The following KIAA0825 variants were observed in gnomAD, a reference collection of about 807,000 sequenced individuals.
KIAA0825 encodes the protein KIAA0825.
In KIAA0825, 119 loss-of-function variants were observed where a neutral mutation model predicts 147.6. The ratio of observed to expected loss-of-function variants is 0.81; its 90% confidence interval spans 0.69 to 0.94. KIAA0825 has a LOEUF of 0.94. Ranked by LOEUF, KIAA0825 falls within the 40% of genes least tolerant of loss-of-function variation. The pLI is 0.00. For synonymous variants in KIAA0825, 470 were observed against 518.1 expected (o/e 0.91, Z 1.26); for missense variants, 1,381 against 1,472.7 (o/e 0.94, Z 1.02).
intron 14 of KIAA0825, among the ~76,000 whole-genome samples, chr5:94,423,843 A>G (rs1171763802): frequency 6.6e-6 from 1 of 152,240 alleles, no homozygotes; most frequent in East Asian, 1.9e-4. Flanking sequence ...GACGTGAAGT[A>G]TCACAAGAAA....
At chr5:94,246,148 A>G (rs1319587688) in intron 20 of KIAA0825, among the ~76,000 whole-genome samples, 1 of 152,202 alleles carries the variant, frequency 6.6e-6, no homozygotes, top group Non-Finnish European at 1.5e-5. Flanking sequence ...TTTTGATGAG[A>G]CAATAAAATA....
chr5:94,475,610 C>T (rs1761789600), intron 7 of KIAA0825, among the ~76,000 whole-genome samples: 1 of 152,134 alleles, frequency 6.6e-6, no homozygotes, highest in South Asian at 2.1e-4. Flanking sequence ...GAGTTCGAGA[C>T]CAGCCTGGCC....
intron 20 of KIAA0825, among the ~76,000 whole-genome samples, chr5:94,338,361 C>G (rs192185376): frequency 6.6e-6 from 1 of 151,078 alleles, no homozygotes; most frequent in African/African-American, 2.4e-5. Context: ...AAAATGTAGT[C>G]GTTTTGACTC....
chr5:94,478,482 C>A (rs191769768), intron 6 of KIAA0825, among the ~76,000 whole-genome samples: 4 of 150,364 alleles, frequency 2.7e-5, no homozygotes, highest in African/African-American at 9.7e-5. Flanking sequence ...CACACACACA[C>A]AAATTGGGGA....
intron 5 of KIAA0825, among the ~76,000 whole-genome samples, chr5:94,506,464 T>C (rs919564356): frequency 6.6e-6 from 1 of 152,228 alleles, no homozygotes; most frequent in Non-Finnish European, 1.5e-5. Context: ...TTAATTCCTA[T>C]TGAAGAGGCA....
chr5:94,562,597 A>T (rs559062893), intron 2 of KIAA0825, among the ~76,000 whole-genome samples: 1 of 152,238 alleles, frequency 6.6e-6, no homozygotes, highest in Non-Finnish European at 1.5e-5. Context: ...ACTTTCATTT[A>T]GCAACTACAA....
At chr5:94,520,030 T>G in intron 5 of KIAA0825, 1 of 1,137,728 alleles carries the variant, frequency 8.8e-7, no homozygotes, top group Admixed American at 3.9e-5. Context: ...TTGGCTTATA[T>G]TTCCAATATC....
chr5:94,543,629 C>T (rs2151387100), intron 2 of KIAA0825, among the ~76,000 whole-genome samples: 1 of 152,234 alleles, frequency 6.6e-6, no homozygotes, highest in South Asian at 2.1e-4. Context: ...ATATCATCAC[C>T]CCTATTCAGC....
intron 20 of KIAA0825, among the ~76,000 whole-genome samples, chr5:94,283,824 A>G (rs141687527): frequency 1.3e-5 from 2 of 152,240 alleles, no homozygotes; most frequent in Non-Finnish European, 2.9e-5. Context: ...CACTTGGAGG[A>G]GAAAGCTTAC....
At chr5:94,479,651 T>C (rs1337337801) in intron 6 of KIAA0825, among the ~76,000 whole-genome samples, 3 of 152,094 alleles carry the variant, frequency 2.0e-5, no homozygotes, top group African/African-American at 7.2e-5. Flanking sequence ...TAAAACTATG[T>C]TTAGCTTTGT....
At chr5:94,188,485 T>C in intron 20 of KIAA0825, among the ~76,000 whole-genome samples, 1 of 152,194 alleles carries the variant, frequency 6.6e-6, no homozygotes, top group East Asian at 1.9e-4. Flanking sequence ...TTTCTGTCAT[T>C]ATAGTTTTGC....
At chr5:94,447,461 G>A (rs1757874505) in intron 13 of KIAA0825, among the ~76,000 whole-genome samples, 1 of 152,062 alleles carries the variant, frequency 6.6e-6, no homozygotes, top group Admixed American at 6.6e-5. Flanking sequence ...ATGTCAAGAT[G>A]GAGGGAGTAG....
At chr5:94,341,735 A>T (rs573493996) in intron 20 of KIAA0825, among the ~76,000 whole-genome samples, 2 of 151,212 alleles carry the variant, frequency 1.3e-5, no homozygotes, top group East Asian at 2.0e-4. Flanking sequence ...CTAGTGAAAT[A>T]AAAAAAAAGG....
chr5:94,354,940 A>G (rs888348410), intron 20 of KIAA0825, among the ~76,000 whole-genome samples: 1 of 152,206 alleles, frequency 6.6e-6, no homozygotes, highest in African/African-American at 2.4e-5. Context: ...TTGTTTTTAT[A>G]TATTTTAGGG....
chr5:94,188,785 T>C (rs1226350967), intron 20 of KIAA0825, among the ~76,000 whole-genome samples: 1 of 152,172 alleles, frequency 6.6e-6, no homozygotes, highest in African/African-American at 2.4e-5. Flanking sequence ...ATAAAATAGC[T>C]GGGAGGGGAA....
chr5:94,312,385 AC>A (rs1779266590), intron 20 of KIAA0825, among the ~76,000 whole-genome samples: 1 of 151,626 alleles, frequency 6.6e-6, no homozygotes, highest in Admixed American at 6.6e-5. Flanking sequence ...ATTCCTTTGG[AC>A]TTGTTATGAT....
Position 94,520,742 on chromosome 5 carries a change from G to A in KIAA0825, c.476C>T (p.Ser159Phe). Reference sequence around the variant, plus strand: ...ATGCAGTCTTATATCATCCCACATAGACTTGACATCCATAGAGGAATTATC... The same window carrying A: ...ATGCAGTCTTATATCATCCCACATAAACTTGACATCCATAGAGGAATTATC... ...VEDNSSMDVK[S>F]MWDDIRLHLR... Residue 159 changes from serine (S) to phenylalanine (F), a missense_variant, in exon 5 of 21, where the codon TCT (serine) becomes TTT (phenylalanine). By Grantham distance (155) the Ser-to-Phe change is radical. Transcript: ENST00000682413. 2 of 1,613,312 alleles carry A rather than the reference G, an allele frequency of 1.2e-6. No homozygotes were observed. The highest frequency in any genetic ancestry group is 1.7e-6 in the Non-Finnish European group (2 of 1,179,450).
intron 16 of KIAA0825, among the ~76,000 whole-genome samples, chr5:94,398,169 G>A (rs141917151): frequency 1.3e-5 from 2 of 152,260 alleles, no homozygotes; most frequent in African/African-American, 4.8e-5. Context: ...CTTCACAAAT[G>A]GTACCTTGAC....
intron 5 of KIAA0825, among the ~76,000 whole-genome samples, chr5:94,516,049 GCTCT>G (rs1417631497): frequency 4.6e-5 from 7 of 152,170 alleles, no homozygotes; most frequent in African/African-American, 1.4e-4. Flanking sequence ...AGCAGCACAT[GCTCT>G]CTAAGAAACA....
Sources: allele counts gnomAD v4.1 joint callset (sites outside exome capture counted in the v4.1 genomes callset), GRCh38; gene constraint gnomAD v4.1.1; transcripts MANE v1.5; gene names NCBI Gene and HGNC (gene_info 2026-07-23, HGNC 2026-07-21).